PCDH9: variants seen among roughly 807,000 people sequenced by gnomAD.
PCDH9 encodes the protein protocadherin 9, also known as protocadherin-9.
In PCDH9, 24 loss-of-function variants were observed where a neutral mutation model predicts 70.6. The observed-to-expected ratio is 0.34, with a 90% confidence interval of 0.25 to 0.48. The LOEUF (loss-of-function observed/expected upper bound fraction) is 0.48. PCDH9 is among the 20% of genes least tolerant of loss of function. PCDH9 has a pLI of 0.99. For missense variants in PCDH9, 1,281 were observed against 1,503.6 expected, an observed-to-expected ratio of 0.85 and a Z score of 2.45; for synonymous variants, 562 against 558.5, an observed-to-expected ratio of 1.01 and a Z score of -0.09.
intron 2 of PCDH9, among the ~76,000 whole-genome samples, chr13:66,968,006 C>T (rs926336562): frequency 1.3e-5 from 2 of 152,016 alleles, no homozygotes; most frequent in African/African-American, 4.8e-5. Flanking sequence ...AAGAGATTTA[C>T]CACCTCATAA....
At chr13:67,022,289 AT>A in intron 2 of PCDH9, among the ~76,000 whole-genome samples, 1 of 151,406 alleles carries the variant, frequency 6.6e-6, no homozygotes, top group Non-Finnish European at 1.5e-5. Context: ...CGCCTGGCTA[AT>A]TTTGTATTTT....
Position 67,226,305 on chromosome 13 carries a change from T to C in PCDH9, c.2136A>G (p.Glu712=), listed in dbSNP as rs763161471. 6 of 1,614,164 alleles carry C rather than the reference T, an allele frequency of 3.7e-6. No individual in the cohort carries two copies. The Admixed American group carries it at 8.3e-5, about 22-fold the overall frequency. ...AVDVDTGMNA[E]LKYTIVSGNN... Reference sequence around the variant, plus strand: ...TTCCACTCACTATAGTATACTTTAGTTCAGCGTTCATTCCAGTGTCAACAT... The same window carrying C: ...TTCCACTCACTATAGTATACTTTAGCTCAGCGTTCATTCCAGTGTCAACAT... The change falls in exon 2 of 5, where the codon GAA becomes GAG. Residue 712 remains glutamate (E), a synonymous_variant. Coordinates refer to ENST00000377865, the MANE Select transcript of PCDH9 (RefSeq NM_203487.3). The surrounding 1 kb of genome is among the most constrained non-coding windows in gnomAD (Gnocchi z 5.0).
intron 3 of PCDH9, among the ~76,000 whole-genome samples, chr13:66,728,320 C>T (rs2079031464): frequency 6.6e-6 from 1 of 152,112 alleles, no homozygotes; most frequent in Admixed American, 6.6e-5. Context: ...TTTTGTTCCT[C>T]ATTCAACATA....
At chr13:66,966,083 T>C (rs2083430574) in intron 2 of PCDH9, among the ~76,000 whole-genome samples, 1 of 152,148 alleles carries the variant, frequency 6.6e-6, no homozygotes, top group East Asian at 1.9e-4. Flanking sequence ...ATATGTATCA[T>C]ATATTTACTT....
chr13:66,331,733 T>C (rs1955944358), intron 4 of PCDH9, among the ~76,000 whole-genome samples: 1 of 152,136 alleles, frequency 6.6e-6, no homozygotes, highest in South Asian at 2.1e-4. Context: ...CCCTTGAGGG[T>C]TACACTTTAG....
chr13:66,678,120 A>G (rs1006495698), intron 3 of PCDH9, among the ~76,000 whole-genome samples: 6 of 152,114 alleles, frequency 3.9e-5, no homozygotes, highest in African/African-American at 1.4e-4. Flanking sequence ...ATTCATGAGT[A>G]TTTTATAAAG....
At chr13:67,134,563 G>T (rs781273334) in intron 2 of PCDH9, among the ~76,000 whole-genome samples, 11 of 151,962 alleles carry the variant, frequency 7.2e-5, no homozygotes, top group African/African-American at 2.4e-4. Flanking sequence ...CTACCCATAC[G>T]CATTCTTCTT....
intron 2 of PCDH9, among the ~76,000 whole-genome samples, chr13:66,971,250 T>C (rs1023225227): frequency 6.6e-6 from 1 of 152,060 alleles, no homozygotes; most frequent in Non-Finnish European, 1.5e-5. Flanking sequence ...GGATACACGA[T>C]TGTGTTATTC....
intron 2 of PCDH9, among the ~76,000 whole-genome samples, chr13:67,105,639 CTT>C (rs1164618579): frequency 6.6e-6 from 1 of 151,898 alleles, no homozygotes; most frequent in Non-Finnish European, 1.5e-5. Context: ...TTATGAAACA[CTT>C]TTGTGTGTTT....
chr13:66,505,913 C>T (rs2138571821), intron 4 of PCDH9, among the ~76,000 whole-genome samples: 1 of 152,252 alleles, frequency 6.6e-6, no homozygotes, highest in Non-Finnish European at 1.5e-5. Context: ...TCCCAAGTAG[C>T]TGGGACTACA....
intron 4 of PCDH9, among the ~76,000 whole-genome samples, chr13:66,558,913 G>A (rs1961867653): frequency 6.6e-6 from 1 of 152,102 alleles, no homozygotes; most frequent in Non-Finnish European, 1.5e-5. Flanking sequence ...TAAACCAAAT[G>A]GAAGAATTCG....
At chr13:66,386,227 G>A (rs767729805) in intron 4 of PCDH9, among the ~76,000 whole-genome samples, 18 of 152,066 alleles carry the variant, frequency 1.2e-4, no homozygotes, top group Non-Finnish European at 2.2e-4. Flanking sequence ...ATTATTTTAT[G>A]ATACTGACCT....
rs188019572 is a variant in PCDH9, at chr13:66,910,725, C to A, written c.3037-7120G>T. Among the ~76,000 whole-genome samples, 72 of 152,162 alleles carry A rather than the reference C, an allele frequency of 4.7e-4. 1 individual carries two copies. The East Asian group carries it at 0.012, about 26-fold the overall frequency. ...CATAGGCTGGCTGACATTTTTCAAA[C>A]AATTCTAACAATTTAATAAAATGTT... On this transcript the variant is annotated intron_variant, in intron 2 of 4. Coordinates refer to ENST00000377865, the MANE Select transcript of PCDH9 (RefSeq NM_203487.3).
intron 3 of PCDH9, among the ~76,000 whole-genome samples, chr13:66,781,081 G>C (rs1378536766): frequency 6.6e-6 from 1 of 152,134 alleles, no homozygotes; most frequent in Non-Finnish European, 1.5e-5. Flanking sequence ...TTGTGTAGAA[G>C]TAAGTGGAAC....
chr13:67,032,300 C>A (rs1048814536), intron 2 of PCDH9, among the ~76,000 whole-genome samples: 1 of 151,906 alleles, frequency 6.6e-6, no homozygotes, highest in African/African-American at 2.4e-5. Context: ...CATGACCCCA[C>A]ACATACAACT....
intron 4 of PCDH9, among the ~76,000 whole-genome samples, chr13:66,485,095 T>C (rs1398046417): frequency 1.3e-5 from 2 of 152,218 alleles, no homozygotes; most frequent in East Asian, 3.8e-4. Flanking sequence ...GAAAGGCAGA[T>C]GATAAATTCT....
chr13:66,862,180 T>C (rs761663787), intron 3 of PCDH9, among the ~76,000 whole-genome samples: 2 of 152,218 alleles, frequency 1.3e-5, no homozygotes, highest in African/African-American at 4.8e-5. Context: ...CAAACTTCAA[T>C]TACCAGTGCC....
chr13:66,381,212 C>T (rs534025858), intron 4 of PCDH9, among the ~76,000 whole-genome samples: 143 of 152,092 alleles, frequency 9.4e-4, no homozygotes, highest in Non-Finnish European at 1.8e-3. Flanking sequence ...ACTTTCTTTT[C>T]CACAGGTGAC....
At chr13:66,801,742 G>T (rs1399549941) in intron 3 of PCDH9, among the ~76,000 whole-genome samples, 1 of 151,950 alleles carries the variant, frequency 6.6e-6, no homozygotes, top group Non-Finnish European at 1.5e-5. Flanking sequence ...ATCTATGTAC[G>T]TTCTTCAAAT....
Sources: gnomAD v4.1 joint callset for allele counts (sites outside exome capture counted in the v4.1 genomes callset) on GRCh38, gnomAD v4.1.1 for gene constraint, Gnocchi (gnomAD v3.1) non-coding constraint, MANE v1.5 for transcripts, NCBI Gene and HGNC (gene_info 2026-07-23, HGNC 2026-07-21) for gene names.